SEPTIN9: variants seen among roughly 807,000 people sequenced by gnomAD.
SEPTIN9 encodes septin 9, also known as septin-9.
SEPTIN9 carries 13 observed loss-of-function variants against 56.6 expected under a neutral mutation model. The observed-to-expected ratio is 0.23, with a 90% CI of 0.15 to 0.37. The LOEUF (loss-of-function observed/expected upper bound fraction) is 0.37, where lower values mean the gene tolerates loss of function less well. Among genes scored for constraint, SEPTIN9 ranks in the 10% least tolerant of loss-of-function variants. The probability of loss-of-function intolerance (pLI) is 1.00; values close to 1 mark genes in which losing one functional copy is unlikely to be tolerated. For synonymous variants in SEPTIN9, 332 were observed against 334.1 expected (o/e 0.99, Z 0.07); for missense variants, 650 against 823.1 (o/e 0.79, Z 2.57).
intron 3 of SEPTIN9, among the ~76,000 whole-genome samples, chr17:77,413,960 C>CCTCT (rs1555662487): frequency 1.0e-4 from 15 of 146,206 alleles, no homozygotes; most frequent in Admixed American, 2.0e-4. Flanking sequence ...TTTTTTTTCC[C>CCTCT]CTCTCTCTTT....
At chr17:77,286,560 C>T (rs978885412) in intron 1 of SEPTIN9, 14 of 152,224 alleles carry the variant, frequency 9.2e-5, no homozygotes, top group African/African-American at 2.9e-4. Flanking sequence ...GGACATCTCA[C>T]TTGAGGACCC....
At chr17:77,377,637 C>T (rs1390806640) in intron 2 of SEPTIN9, among the ~76,000 whole-genome samples, 2 of 152,094 alleles carry the variant, frequency 1.3e-5, no homozygotes, top group Non-Finnish European at 2.9e-5. Context: ...GGCTGTGGGA[C>T]GGGCTTCTGG....
chr17:77,486,035 C>T (rs184594272), intron 4 of SEPTIN9, among the ~76,000 whole-genome samples: 2 of 152,122 alleles, frequency 1.3e-5, no homozygotes, highest in East Asian at 1.9e-4. Context: ...AAGCTGGTCT[C>T]GAACTCCTGA....
intron 3 of SEPTIN9, among the ~76,000 whole-genome samples, chr17:77,406,028 G>A (rs1211810121): frequency 1.3e-5 from 2 of 152,234 alleles, no homozygotes; most frequent in Non-Finnish European, 1.5e-5. Context: ...TTCTGCCTGC[G>A]GGAGGGCATC....
Position 77,433,714 on chromosome 17 carries a change from C to T in SEPTIN9, c.721+31011C>T, listed in dbSNP as rs924215531. Among the ~76,000 whole-genome samples, 5 of 152,128 alleles carry T rather than the reference C, an allele frequency of 3.3e-5. No homozygotes were observed. The highest frequency in any genetic ancestry group is 6.5e-5 in the Admixed American group (1 of 15,280). On this transcript the variant is annotated intron_variant, in intron 3 of 11. Transcript: ENST00000427177. This position sits in a 1 kb window ranked among gnomAD's most constrained non-coding sequence, Gnocchi z 6.4. ...TGCAGAGGAAGGGAGATGGGAATGCCGGGACCTTCTCCTGCACCTCCCGAA... is the reference window on the plus strand; with the variant it reads ...TGCAGAGGAAGGGAGATGGGAATGCTGGGACCTTCTCCTGCACCTCCCGAA...
intron 2 of SEPTIN9, among the ~76,000 whole-genome samples, chr17:77,315,024 C>G (rs1041651046): frequency 3.3e-5 from 5 of 152,210 alleles, no homozygotes; most frequent in Non-Finnish European, 7.3e-5. Context: ...GCAGGTGATC[C>G]GCACCTTTCA....
intron 2 of SEPTIN9, among the ~76,000 whole-genome samples, chr17:77,380,617 C>A (rs1478253950): frequency 6.6e-6 from 1 of 152,122 alleles, no homozygotes; most frequent in Admixed American, 6.5e-5. Flanking sequence ...GGCGATGGAG[C>A]CTTGCAGACA....
At chr17:77,490,560 G>C in intron 7 of SEPTIN9, among the ~76,000 whole-genome samples, 182 bp from the exon 8 acceptor site, 1 of 152,168 alleles carries the variant, frequency 6.6e-6, no homozygotes, top group East Asian at 1.9e-4. Flanking sequence ...GGACACACCC[G>C]TGTCCTTCCT....
In SEPTIN9 at chr17:77,326,949, G is replaced by A. The variant is rs2033163034; in HGVS notation, c.76+19752G>A. On this transcript the variant is annotated intron_variant, in intron 2 of 11. Coordinates refer to ENST00000427177, the MANE Select transcript of SEPTIN9 (RefSeq NM_001113491.2). This position sits in a 1 kb window ranked among gnomAD's most constrained non-coding sequence, Gnocchi z 5.1. ...GAGGCTCCTGGAGGGTGGAGCGCCTGGGGAGCACATGGAAGCTCTGCGTCC... is the reference window on the plus strand; with the variant it reads ...GAGGCTCCTGGAGGGTGGAGCGCCTAGGGAGCACATGGAAGCTCTGCGTCC... 6.6e-6 allele frequency among the ~76,000 whole-genome samples: 1 copy of A among 152,038 alleles called. No individual in the cohort carries two copies. The highest frequency in any genetic ancestry group is 1.5e-5 in the Non-Finnish European group (1 of 68,006).
In SEPTIN9 at chr17:77,451,408, G is replaced by T; in HGVS notation, c.722-30736G>T. On this transcript the variant is annotated intron_variant, in intron 3 of 11. Transcript: ENST00000427177. This position sits in a 1 kb window ranked among gnomAD's most constrained non-coding sequence, Gnocchi z 4.2. ...CCTACCTCTGCCCCGCGCTCTGGGA[G>T]GCTCCTTGTTCCGCGACCACAAAGC... is the stretch of plus-strand genomic sequence containing the variant. 1 of 985,670 alleles carries T rather than the reference G, an allele frequency of 1.0e-6. No homozygotes were observed. 61.1% of individuals were successfully genotyped at this position (985,670 alleles called of 1,614,324 possible).
chr17:77,461,513 G>A (rs312849), intron 3 of SEPTIN9, among the ~76,000 whole-genome samples: 11,254 of 152,168 alleles, frequency 0.074, 1,378 homozygotes, highest in African/African-American at 0.25. Context: ...GGGCAAGGAC[G>A]ACGCTGTCCC....
intron 2 of SEPTIN9, among the ~76,000 whole-genome samples, chr17:77,381,917 G>T (rs907372116): frequency 6.6e-6 from 1 of 152,218 alleles, no homozygotes; most frequent in African/African-American, 2.4e-5. Context: ...GGGTAGAACG[G>T]GAGGGCTTCC....
intron 10 of SEPTIN9, 173 bp downstream of exon 10, chr17:77,493,249 G>A (rs1031412483): frequency 1.7e-5 from 11 of 631,338 alleles, no homozygotes; most frequent in African/African-American, 1.4e-4. Context: ...AAAGTGAGAG[G>A]GCAAGTGGCC....
rs757455924 is a variant in SEPTIN9, at chr17:77,486,521, T to TGTGTGTGTGC, written c.914-902_914-901insTGTGTGTGCG. Among the ~76,000 whole-genome samples the TGTGTGTGTGC allele has an allele frequency of 8.3e-5, 10 of 120,202 alleles. No individual in the cohort carries two copies. In the South Asian group the frequency reaches 1.4e-3, roughly 16 times the overall value. The allele number at this position is 120,202 out of a possible 152,430, so 78.9% of individuals were successfully genotyped here. On this transcript the variant is annotated intron_variant, in intron 4 of 11. Transcript: ENST00000427177. ...GTGTGTGTGTGTGTGTGTGTGTGTG[T>TGTGTGTGTGC]GCGCGCACGCGCGCGCGTGTTATAT...
In SEPTIN9 at chr17:77,411,588, G is replaced by T. The variant is rs552786422; in HGVS notation, c.721+8885G>T. Among the ~76,000 whole-genome samples, 5 of 151,844 alleles carry T rather than the reference G, an allele frequency of 3.3e-5. No homozygotes were observed. In the South Asian group the frequency reaches 8.3e-4, roughly 25 times the overall value. ...GGCTAATTTTTGTATTTTTAGTAGA[G>T]ACGGGGTTTCACCATGTTGGCCAGG... On this transcript the variant is annotated intron_variant, in intron 3 of 11. Coordinates refer to ENST00000427177, the MANE Select transcript of SEPTIN9 (RefSeq NM_001113491.2).
chr17:77,493,320 G>C, intron 10 of SEPTIN9: 1 of 538,088 alleles, frequency 1.9e-6, no homozygotes, highest in Non-Finnish European at 3.4e-6. Context: ...GGAGACAGGA[G>C]CTGGGATGGG....
At chr17:77,484,982 GTGA>G (rs1236487317) in intron 4 of SEPTIN9, among the ~76,000 whole-genome samples, 1 of 100,762 alleles carries the variant, frequency 9.9e-6, no homozygotes, top group African/African-American at 4.2e-5. Flanking sequence ...GGTGATGGTG[GTGA>G]TTGTGATGGT....
chr17:77,286,398 C>T, intron 1 of SEPTIN9: 1 of 152,614 alleles, frequency 6.6e-6, no homozygotes, highest in Non-Finnish European at 1.5e-5. Context: ...CACCTTCTTC[C>T]TGGAACCACC....
At chr17:77,386,860 G>A (rs1159192744) in intron 2 of SEPTIN9, among the ~76,000 whole-genome samples, 6 of 152,242 alleles carry the variant, frequency 3.9e-5, no homozygotes, top group Admixed American at 3.9e-4. Flanking sequence ...CCCACAAGAG[G>A]GGTCAGTTCT....
Sources: gnomAD v4.1 joint callset for allele counts (sites outside exome capture counted in the v4.1 genomes callset) on GRCh38, gnomAD v4.1.1 for gene constraint, Gnocchi (gnomAD v3.1) non-coding constraint, MANE v1.5 for transcripts, NCBI Gene and HGNC (gene_info 2026-07-23, HGNC 2026-07-21) for gene names.